RYR3: variants seen among roughly 807,000 people sequenced by gnomAD.
RYR3 encodes brain ryanodine receptor-calcium release channel.
RYR3 carries 207 observed loss-of-function variants against 584.3 expected under a neutral mutation model. The ratio of observed to expected loss-of-function variants is 0.35; its 90% CI spans 0.32 to 0.40. The LOEUF (loss-of-function observed/expected upper bound fraction) is 0.40. RYR3 is among the 10% of genes least tolerant of loss of function. The pLI is 1.00. For missense variants in RYR3, 5,616 were observed against 6,089.2 expected (o/e 0.92, Z 2.59); for synonymous variants, 2,416 against 2,248.5 (o/e 1.07, Z -2.11).
intron 60 of RYR3, among the ~76,000 whole-genome samples, chr15:33,765,122 C>T (rs1418489830): frequency 6.6e-6 from 1 of 150,530 alleles, no homozygotes; most frequent in African/African-American, 2.4e-5. Context: ...ATTTAAATTC[C>T]TAATAGGAAA....
At chr15:33,678,836 C>T (rs1018322454) in intron 38 of RYR3, among the ~76,000 whole-genome samples, 32 of 152,234 alleles carry the variant, frequency 2.1e-4, no homozygotes, top group Admixed American at 1.6e-3. Flanking sequence ...AACAATGCTC[C>T]GGGTTATCTT....
At chr15:33,524,175 T>TA (rs1431472465) in intron 3 of RYR3, among the ~76,000 whole-genome samples, 2 of 152,224 alleles carry the variant, frequency 1.3e-5, no homozygotes, top group East Asian at 3.8e-4. Context: ...GTAATAGTGT[T>TA]AAAGAAAATT....
Position 33,844,975 on chromosome 15 carries a change from C to T in RYR3, c.13410C>T (p.Thr4470=), listed in dbSNP as rs780405301. The T allele has an allele frequency of 9.3e-6, 15 of 1,613,930 alleles. No homozygotes were observed. The highest frequency in any genetic ancestry group is 1.7e-5 in the Admixed American group (1 of 60,018). The change falls in exon 93 of 104, where the codon ACC becomes ACT. Residue 4470 remains threonine (T), a synonymous_variant. Transcript: ENST00000634891. ...TATTCTTTGTCCTTCAGGAGAGCAC[C>T]GGGTATATGGCACCAACCCTGCGTG... ...AMVFFVLQES[T]GYMAPTLRAL...
At chr15:33,482,359 A>G (rs1157040431) in intron 2 of RYR3, among the ~76,000 whole-genome samples, 1 of 152,054 alleles carries the variant, frequency 6.6e-6, no homozygotes, top group Non-Finnish European at 1.5e-5. Flanking sequence ...TCCTCTGGAA[A>G]GTTTTAACAT....
rs1409081133 is a variant in RYR3, at chr15:33,861,106, A to T, written c.14393A>T (p.Asn4798Ile). 3.1e-6 allele frequency: 5 copies of T among 1,595,948 alleles called. No homozygotes were observed. Among genetic ancestry groups the T allele is most frequent in the Non-Finnish European group, 4.3e-6 (5 of 1,170,220 alleles). Residue 4798 changes from asparagine to isoleucine, a missense_variant, in exon 102 of 104, where the codon AAT (asparagine) becomes ATT (isoleucine). Asn to Ile is a moderately radical substitution (Grantham distance 149). Around this residue, in one of 9 missense-constraint regions of RYR3, gnomAD observed 918 missense variants for 887.4 expected, o/e 1.03. Coordinates refer to ENST00000634891, the MANE Select transcript of RYR3 (RefSeq NM_001036.6). ...ETKCFICGIG[N>I]DYFDTTPHGF... ...AAATGTTTCATCTGTGGGATTGGCA[A>T]TGACTACTTTGACACAACCCCTCAT...
At chr15:33,794,290 ATTTTTTATATATATAT>A (rs1386784770) in intron 67 of RYR3, among the ~76,000 whole-genome samples, 375 of 35,910 alleles carry the variant, frequency 0.01, 10 homozygotes, top group East Asian at 0.058. Flanking sequence ...GAAAGAAAAG[ATTTTTTATATATATAT>A]TTTTATATAT....
At position 33,781,007 on chromosome 15, in the gene RYR3, C is replaced by T. The variant is rs372756274; in HGVS notation, c.9268+666C>T. On this transcript the variant is annotated intron_variant, in intron 65 of 103. Coordinates refer to ENST00000634891, the MANE Select transcript of RYR3 (RefSeq NM_001036.6). ...CATTTGGTCTGTGGCTGCTTTAGCACGACAATGGCAGAGTTGAGTAGAGGC... is the reference window on the plus strand; with the variant it reads ...CATTTGGTCTGTGGCTGCTTTAGCATGACAATGGCAGAGTTGAGTAGAGGC... 9.9e-4 allele frequency among the ~76,000 whole-genome samples: 151 copies of T among 152,252 alleles called. 1 individual carries two copies. Among genetic ancestry groups the T allele is most frequent in the African/African-American group, 3.4e-3 (143 of 41,552 alleles).
chr15:33,733,951 A>G (rs1345413987), intron 48 of RYR3, among the ~76,000 whole-genome samples: 2 of 152,212 alleles, frequency 1.3e-5, no homozygotes, highest in African/African-American at 4.8e-5. Context: ...GGATAATCTC[A>G]TGCTTATATT....
At chr15:33,552,991 G>A (rs543666672) in intron 10 of RYR3, among the ~76,000 whole-genome samples, 11 of 152,218 alleles carry the variant, frequency 7.2e-5, no homozygotes, top group South Asian at 2.1e-4. Flanking sequence ...GAATCATCTC[G>A]CCAGCCCTTG....
intron 57 of RYR3, among the ~76,000 whole-genome samples, chr15:33,754,742 A>G (rs1001166243): frequency 1.4e-5 from 2 of 145,188 alleles, no homozygotes; most frequent in African/African-American, 5.5e-5. Flanking sequence ...AACTTCTAAG[A>G]TTCCATCTAA....
intron 1 of RYR3, among the ~76,000 whole-genome samples, chr15:33,458,095 TG>T (rs559164610): frequency 9.8e-4 from 149 of 152,298 alleles, no homozygotes; most frequent in Non-Finnish European, 1.8e-3. Flanking sequence ...CCCAGATAGC[TG>T]GTAAAACATT....
At chr15:33,864,460 A>C (rs1166721927) in intron 103 of RYR3, among the ~76,000 whole-genome samples, 1 of 152,186 alleles carries the variant, frequency 6.6e-6, no homozygotes, top group Non-Finnish European at 1.5e-5. Flanking sequence ...ATGAAATAAG[A>C]AATTGTCTGA....
chr15:33,460,179 G>T (rs551360024), intron 1 of RYR3, among the ~76,000 whole-genome samples: 2 of 152,234 alleles, frequency 1.3e-5, no homozygotes, highest in Non-Finnish European at 2.9e-5. Context: ...AGAGAGAATG[G>T]CCCCTGGGCT....
chr15:33,701,671 G>T (rs1013348200), intron 42 of RYR3, among the ~76,000 whole-genome samples: 1 of 152,026 alleles, frequency 6.6e-6, no homozygotes, highest in African/African-American at 2.4e-5. Context: ...GAGGAGGGAC[G>T]TGGGCAAGTC....
intron 84 of RYR3, 135 bp downstream of exon 84, chr15:33,826,887 A>G: frequency 8.6e-6 from 6 of 698,970 alleles, no homozygotes; most frequent in Non-Finnish European, 1.3e-5. Context: ...ATAAGAAACT[A>G]TGTAAATATC....
intron 1 of RYR3, among the ~76,000 whole-genome samples, chr15:33,350,938 CA>C (rs564312898): frequency 6.6e-6 from 1 of 151,990 alleles, no homozygotes; most frequent in Non-Finnish European, 1.5e-5. Flanking sequence ...AATAGAGACA[CA>C]AAAAACCCTT....
intron 60 of RYR3, among the ~76,000 whole-genome samples, chr15:33,767,546 G>A (rs970704550): frequency 6.6e-6 from 1 of 152,036 alleles, no homozygotes; most frequent in African/African-American, 2.4e-5. Context: ...TTAAAGGTGA[G>A]CAGGTTTTCA....
intron 1 of RYR3, among the ~76,000 whole-genome samples, chr15:33,387,702 T>A (rs2041711797): frequency 6.6e-6 from 1 of 152,214 alleles, no homozygotes; most frequent in South Asian, 2.1e-4. Flanking sequence ...GGATTTTTTT[T>A]CTTATGATTC....
At chr15:33,466,328 C>A (rs966826050) in intron 1 of RYR3, among the ~76,000 whole-genome samples, 1 of 152,162 alleles carries the variant, frequency 6.6e-6, no homozygotes, top group Non-Finnish European at 1.5e-5. Flanking sequence ...TAGTATCCTA[C>A]AAGCCAAATG....
Sources: gnomAD v4.1 joint callset for allele counts (sites outside exome capture counted in the v4.1 genomes callset) on GRCh38, gnomAD v4.1.1 for gene constraint, gnomAD v4.1.1 regional missense constraint, MANE v1.5 for transcripts, NCBI Gene and HGNC (gene_info 2026-07-23, HGNC 2026-07-21) for gene names.